KCNAB1: variants seen among roughly 807,000 people sequenced by gnomAD.
KCNAB1 encodes potassium voltage-gated channel subfamily A regulatory beta subunit 1, also known as voltage-gated potassium channel subunit beta-1.
A neutral mutation model predicts 64.6 loss-of-function variants in KCNAB1; 35 were observed. That is an observed-to-expected ratio of 0.54 (90% CI 0.41 to 0.72). KCNAB1 has a LOEUF of 0.72. Among genes scored for constraint, KCNAB1 ranks in the 30% least tolerant of loss-of-function variants. The pLI is 0.00. For synonymous variants in KCNAB1, 177 were observed against 183.8 expected, an observed-to-expected ratio of 0.96 and a Z score of 0.30; for missense variants, 401 against 512.9, an observed-to-expected ratio of 0.78 and a Z score of 2.11.
intron 1 of KCNAB1, among the ~76,000 whole-genome samples, chr3:156,382,373 T>G (rs1712231236): frequency 6.6e-6 from 1 of 152,034 alleles, no homozygotes; most frequent in Non-Finnish European, 1.5e-5. Flanking sequence ...TCCCAGCTAC[T>G]CAGGAGGCTG....
At chr3:156,361,909 C>A (rs1261065106) in intron 1 of KCNAB1, among the ~76,000 whole-genome samples, 3 of 152,208 alleles carry the variant, frequency 2.0e-5, no homozygotes, top group Non-Finnish European at 4.4e-5. Context: ...ATCCTCTCAC[C>A]TCAGCCTCCC....
At chr3:156,251,896 A>C (rs1717851628) in intron 1 of KCNAB1, among the ~76,000 whole-genome samples, 1 of 152,240 alleles carries the variant, frequency 6.6e-6, no homozygotes, top group Admixed American at 6.5e-5. Context: ...ATGCTGCTGA[A>C]TATCTGTCAA....
chr3:156,339,012 G>A (rs1179664137), intron 1 of KCNAB1, among the ~76,000 whole-genome samples: 2 of 152,100 alleles, frequency 1.3e-5, no homozygotes, highest in East Asian at 3.9e-4. Flanking sequence ...CCCAGGAAAG[G>A]CAAATTATAT....
At chr3:156,310,763 C>T (rs563737169) in intron 1 of KCNAB1, among the ~76,000 whole-genome samples, 69 of 152,284 alleles carry the variant, frequency 4.5e-4, no homozygotes, top group African/African-American at 1.6e-3. Flanking sequence ...GAGATTGCGC[C>T]ACTGCACTCC....
chr3:156,281,014 G>A (rs1375118610), intron 1 of KCNAB1, among the ~76,000 whole-genome samples: 17 of 151,408 alleles, frequency 1.1e-4, no homozygotes, highest in Non-Finnish European at 2.4e-4. Context: ...GAATAGGAGT[G>A]GTGAGAGAGG....
intron 1 of KCNAB1, among the ~76,000 whole-genome samples, chr3:156,305,395 A>C (rs1219804346): frequency 1.3e-5 from 2 of 152,180 alleles, no homozygotes; most frequent in African/African-American, 4.8e-5. Flanking sequence ...GGATGAATGG[A>C]TGCATGAGTG....
intron 1 of KCNAB1, among the ~76,000 whole-genome samples, chr3:156,279,368 G>A (rs532331939): frequency 1.8e-3 from 273 of 152,106 alleles, no homozygotes; most frequent in African/African-American, 6.3e-3. Context: ...GTCTATCATT[G>A]TTGGACATTT....
chr3:156,178,708 T>G (rs1482729171), intron 1 of KCNAB1, among the ~76,000 whole-genome samples: 1 of 152,166 alleles, frequency 6.6e-6, no homozygotes, highest in Non-Finnish European at 1.5e-5. Context: ...TTCTCAAGAT[T>G]TATTATTTTT....
chr3:156,368,958 T>C (rs947234348), intron 1 of KCNAB1, among the ~76,000 whole-genome samples: 3 of 152,344 alleles, frequency 2.0e-5, no homozygotes, highest in Non-Finnish European at 1.5e-5. Context: ...TTCATTGATA[T>C]ATAATTTGTA....
At chr3:156,420,074 T>G (rs1245177362) in intron 1 of KCNAB1, among the ~76,000 whole-genome samples, 2 of 152,256 alleles carry the variant, frequency 1.3e-5, no homozygotes, top group African/African-American at 4.8e-5. Flanking sequence ...ACAGTTTTCT[T>G]CCAGTTGGAC....
chr3:156,324,307 A>G (rs1447872176), intron 1 of KCNAB1, among the ~76,000 whole-genome samples: 3 of 152,124 alleles, frequency 2.0e-5, no homozygotes, highest in Non-Finnish European at 4.4e-5. Flanking sequence ...TCCAAGCTAT[A>G]TTTTCTATAT....
At chr3:156,374,440 G>C (rs1410220901) in intron 1 of KCNAB1, among the ~76,000 whole-genome samples, 1 of 85,950 alleles carries the variant, frequency 1.2e-5, no homozygotes, top group Admixed American at 9.4e-5. Flanking sequence ...TATTTGCTTG[G>C]GAAGCTTGAT....
intron 1 of KCNAB1, among the ~76,000 whole-genome samples, chr3:156,304,009 A>G (rs1217926962): frequency 1.3e-5 from 2 of 152,220 alleles, no homozygotes; most frequent in Non-Finnish European, 2.9e-5. Flanking sequence ...AGTGTTTTTC[A>G]ATTTCATTTC....
At chr3:156,292,131 A>G in intron 1 of KCNAB1, 6 of 1,613,770 alleles carry the variant, frequency 3.7e-6, no homozygotes, top group Non-Finnish European at 5.1e-6. Flanking sequence ...AAATATAGGT[A>G]TGCACGTAAG....
chr3:156,393,501 C>A (rs756590799), intron 1 of KCNAB1, among the ~76,000 whole-genome samples: 4 of 152,048 alleles, frequency 2.6e-5, no homozygotes, highest in African/African-American at 9.7e-5. Flanking sequence ...TGATATGCAC[C>A]CCTCAGCTTT....
At chr3:156,196,148 A>T (rs1301065479) in intron 1 of KCNAB1, among the ~76,000 whole-genome samples, 1 of 151,892 alleles carries the variant, frequency 6.6e-6, no homozygotes, top group Non-Finnish European at 1.5e-5. Context: ...TGGTGTATAT[A>T]TCTGTTTTGG....
intron 12 of KCNAB1, chr3:156,524,159 C>G: frequency 2.0e-6 from 1 of 506,584 alleles, no homozygotes; most frequent in Non-Finnish European, 3.4e-6. Flanking sequence ...TTTCTCCTTG[C>G]TCTTATAACA....
intron 1 of KCNAB1, among the ~76,000 whole-genome samples, chr3:156,407,936 C>T (rs982983925): frequency 2.0e-4 from 31 of 152,048 alleles, no homozygotes; most frequent in Non-Finnish European, 2.4e-4. Flanking sequence ...ATTTTCTTAC[C>T]CCGTTGTTTC....
rs1714751472 is a variant in KCNAB1 at position 156,142,261 on chromosome 3, A to T, written c.275+21375A>T. Among the ~76,000 whole-genome samples, 3 of 152,280 alleles carry T rather than the reference A, an allele frequency of 2.0e-5. No homozygotes were observed. The South Asian group carries it at 6.2e-4, about 32-fold the overall frequency. ...GAGCAGAAGTTGTTAATGTTGATGA[A>T]ATCTAATTTATGAGCTTTTCCTTTT... On this transcript the variant is annotated intron_variant, in intron 1 of 13. Coordinates refer to ENST00000490337, the MANE Select transcript of KCNAB1 (RefSeq NM_172160.3).
Sources: allele counts gnomAD v4.1 joint callset (sites outside exome capture counted in the v4.1 genomes callset), GRCh38; gene constraint gnomAD v4.1.1; transcripts MANE v1.5; gene names NCBI Gene and HGNC (gene_info 2026-07-23, HGNC 2026-07-21).